SLC6A5: variants seen among roughly 807,000 people sequenced by gnomAD.
The protein encoded by SLC6A5 is sodium- and chloride-dependent glycine transporter 2.
Under a neutral mutation model 90.5 loss-of-function variants are expected in SLC6A5, and 58 were observed. The ratio of observed to expected loss-of-function variants is 0.64; its 90% CI spans 0.52 to 0.80. The LOEUF (loss-of-function observed/expected upper bound fraction) is 0.80. Among genes scored for constraint, SLC6A5 ranks in the 30% least tolerant of loss-of-function variants. The pLI, the probability that SLC6A5 is intolerant of heterozygous loss-of-function variation, is 0.00. For missense variants in SLC6A5, 1,015 were observed against 1,017.6 expected (o/e 1.00, Z 0.03); for synonymous variants, 427 against 401.4 (o/e 1.06, Z -0.76).
At chr11:20,614,272 A>T (rs967614117) in intron 5 of SLC6A5, among the ~76,000 whole-genome samples, 2 of 152,178 alleles carry the variant, frequency 1.3e-5, no homozygotes, top group Non-Finnish European at 2.9e-5. Flanking sequence ...TCGAATCCTG[A>T]TTCTCTTCCT....
intron 10 of SLC6A5, among the ~76,000 whole-genome samples, chr11:20,636,000 A>G (rs1282818934): frequency 1.3e-5 from 2 of 152,172 alleles, no homozygotes; most frequent in Non-Finnish European, 2.9e-5. Flanking sequence ...CAAAGATCCT[A>G]TGTACATGGT....
chr11:20,610,361 T>C (rs1164066605), intron 5 of SLC6A5, among the ~76,000 whole-genome samples: 1 of 152,186 alleles, frequency 6.6e-6, no homozygotes, highest in Non-Finnish European at 1.5e-5. Flanking sequence ...GCGGGGAGCC[T>C]GGGAACCCTG....
At chr11:20,635,403 C>T (rs575876682) in intron 10 of SLC6A5, among the ~76,000 whole-genome samples, 5 of 151,890 alleles carry the variant, frequency 3.3e-5, no homozygotes, top group Admixed American at 6.6e-5. Context: ...CATGCGCCGC[C>T]CCCCCGCAAC....
intron 14 of SLC6A5, among the ~76,000 whole-genome samples, chr11:20,651,743 AC>A (rs1378643585): frequency 1.3e-5 from 2 of 151,932 alleles, no homozygotes; most frequent in Non-Finnish European, 2.9e-5. Context: ...TACTGTCTCT[AC>A]TAAAAATACA....
Position 20,601,120 on chromosome 11 carries a change from T to G in SLC6A5, c.4-9T>G, listed in dbSNP as rs534581695. ...TTTGTTTTGCACGAACTTGACATTG[T>G]GTTTGCAGGATTGCAGTGCTCCCAA... On this transcript the variant is annotated splice_polypyrimidine_tract_variant and intron_variant, in intron 1 of 15. Coordinates refer to ENST00000525748, the MANE Select transcript of SLC6A5 (RefSeq NM_004211.5). The G allele has an allele frequency of 8.4e-5, 133 of 1,585,298 alleles. No individual in the cohort carries two copies. Among genetic ancestry groups the G allele is most frequent in the Non-Finnish European group, 1.1e-4 (128 of 1,173,400 alleles).
chr11:20,621,427 C>T (rs953787160), intron 7 of SLC6A5, among the ~76,000 whole-genome samples: 1 of 152,110 alleles, frequency 6.6e-6, no homozygotes, highest in Non-Finnish European at 1.5e-5. Flanking sequence ...GAATCTAATT[C>T]TTGGTGATAG....
intron 13 of SLC6A5, among the ~76,000 whole-genome samples, chr11:20,641,205 T>C (rs537872305): frequency 1.2e-4 from 18 of 152,330 alleles, no homozygotes; most frequent in Admixed American, 3.3e-4. Flanking sequence ...CAGGGGCCTT[T>C]TGGCTGGAGA....
At chr11:20,601,008 C>G in intron 1 of SLC6A5, 121 bp from the exon 2 acceptor site, 1 of 978,826 alleles carries the variant, frequency 1.0e-6, no homozygotes, top group South Asian at 1.7e-5. Context: ...AGTTCAGATT[C>G]CAATTTGCTT....
chr11:20,654,787 G>GA lies in SLC6A5; in HGVS notation c.2315dup (p.Asn772LysfsTer37). On this transcript the variant is annotated frameshift_variant, in exon 16 of 16. Coordinates refer to ENST00000525748, the MANE Select transcript of SLC6A5 (RefSeq NM_004211.5). LOFTEE classifies it high-confidence loss of function. ...CTCAACACCGCGGGGAGCGTTACAAGAACATGATCGACCCCTTGGGAACCT... is the reference window on the plus strand; with the variant it reads ...CTCAACACCGCGGGGAGCGTTACAAGAAACATGATCGACCCCTTGGGAACCT... 6.2e-7 allele frequency: 1 copy of GA among 1,614,158 alleles called. No individual in the cohort carries two copies. Among genetic ancestry groups the GA allele is most frequent in the Non-Finnish European group, 8.5e-7 (1 of 1,180,032 alleles).
chr11:20,633,586 G>A (rs1450319971), intron 10 of SLC6A5, among the ~76,000 whole-genome samples: 3 of 152,144 alleles, frequency 2.0e-5, no homozygotes, highest in African/African-American at 7.2e-5. Flanking sequence ...GATAAAGGAG[G>A]CTCTCATGGT....
intron 5 of SLC6A5, among the ~76,000 whole-genome samples, chr11:20,608,956 C>G (rs3993131): frequency 0.63 from 69,485 of 111,130 alleles, 17,702 homozygotes; most frequent in East Asian, 0.7. Context: ...CTCTCTCTCT[C>G]TCTGTGTGTG....
intron 15 of SLC6A5, 135 bp from the exon 16 acceptor site, chr11:20,654,578 T>C (rs969253588): frequency 8.7e-6 from 7 of 801,020 alleles, no homozygotes; most frequent in Middle Eastern, 3.5e-4. Flanking sequence ...ACTGCCTCTC[T>C]TGGTAGAGGG....
At chr11:20,608,157 C>G (rs1852620006) in intron 5 of SLC6A5, among the ~76,000 whole-genome samples, 1 of 152,126 alleles carries the variant, frequency 6.6e-6, no homozygotes, top group South Asian at 2.1e-4. Flanking sequence ...ATCCTGGGGC[C>G]AGACTTCACA....
In SLC6A5 at chr11:20,655,111, C is replaced by T; in HGVS notation, c.*243C>T. On this transcript the variant is annotated 3_prime_UTR_variant, in exon 16 of 16. Coordinates refer to ENST00000525748, the MANE Select transcript of SLC6A5 (RefSeq NM_004211.5). ...GGTGACTGTTTCTGGTCAGGTTGGTCCCCTGACCACACGTTTTACCCTGCA... is the reference window on the plus strand; with the variant it reads ...GGTGACTGTTTCTGGTCAGGTTGGTTCCCTGACCACACGTTTTACCCTGCA... 3.8e-6 allele frequency: 2 copies of T among 523,194 alleles called. No individual in the cohort carries two copies. The highest frequency in any genetic ancestry group is 7.1e-6 in the Non-Finnish European group (2 of 282,110). 32.4% of individuals were successfully genotyped at this position (523,194 alleles called of 1,614,324 possible).
rs1317770406 is a variant in SLC6A5 at position 20,601,282 on chromosome 11, A to G, written c.157A>G (p.Arg53Gly). Residue 53 changes from arginine to glycine, a missense_variant, in exon 2 of 16, where the codon AGG becomes GGG. Coordinates refer to ENST00000525748, the MANE Select transcript of SLC6A5 (RefSeq NM_004211.5). ...AAAPPPPRVPRSASTGAQTFQ... is the reference protein window; with the variant it reads ...AAAPPPPRVPGSASTGAQTFQ... Reference sequence around the variant, plus strand: ...CGCCCCGCCGCCGCCACGTGTGCCCAGGTCCGCTTCCACCGGCGCCCAAAC... The same window carrying G: ...CGCCCCGCCGCCGCCACGTGTGCCCGGGTCCGCTTCCACCGGCGCCCAAAC... 9 of 1,588,640 alleles carry G rather than the reference A, an allele frequency of 5.7e-6. No individual in the cohort carries two copies. Among genetic ancestry groups the G allele is most frequent in the Non-Finnish European group, 6.8e-6 (8 of 1,173,696 alleles).
At chr11:20,623,974 G>T (rs1852941361) in intron 7 of SLC6A5, among the ~76,000 whole-genome samples, 1 of 151,768 alleles carries the variant, frequency 6.6e-6, no homozygotes, top group Non-Finnish European at 1.5e-5. Context: ...GATTATTGTT[G>T]GTTGACTCTC....
Position 20,655,897 on chromosome 11 carries a change from T to C in SLC6A5, c.*1029T>C, listed in dbSNP as rs1055646291. 7.9e-5 allele frequency: 12 copies of C among 152,326 alleles called. No individual in the cohort carries two copies. The highest frequency in any genetic ancestry group is 1.5e-4 in the Non-Finnish European group (10 of 68,024). 9.4% of individuals were successfully genotyped at this position (152,326 alleles called of 1,614,324 possible). ...TCACAGTAAATGCCAACTGTGGTCA[T>C]AGAGAAATCAAAGAAATGGAGAGTT... On this transcript the variant is annotated 3_prime_UTR_variant, in exon 16 of 16. Coordinates refer to ENST00000525748, the MANE Select transcript of SLC6A5 (RefSeq NM_004211.5).
At chr11:20,645,943 G>A (rs1179292517) in intron 13 of SLC6A5, among the ~76,000 whole-genome samples, 1 of 152,110 alleles carries the variant, frequency 6.6e-6, no homozygotes, top group East Asian at 1.9e-4. Context: ...CCAGAATGAT[G>A]AGTTTTTAAG....
At chr11:20,608,952 CTCTCTCTGTGTGTGTGTGTGTG>C (rs1852640623) in intron 5 of SLC6A5, among the ~76,000 whole-genome samples, 11 of 94,418 alleles carry the variant, frequency 1.2e-4, no homozygotes, top group African/African-American at 4.1e-4. Flanking sequence ...CTCTCTCTCT[CTCTCTCTGTGTGTGTGTGTGTG>C]TGTGTGTGTG....
Sources: gnomAD v4.1 joint callset for allele counts (sites outside exome capture counted in the v4.1 genomes callset) on GRCh38, gnomAD v4.1.1 for gene constraint, MANE v1.5 for transcripts, NCBI Gene and HGNC (gene_info 2026-07-23, HGNC 2026-07-21) for gene names.